The following SLC26A2 variants were observed in gnomAD, a reference collection of about 807,000 sequenced individuals.
The protein encoded by SLC26A2 is sulfate transporter.
Under a neutral mutation model 41.1 loss-of-function variants are expected in SLC26A2, and 36 were observed. That is an observed-to-expected ratio of 0.88 (90% confidence interval 0.67 to 1.16). The LOEUF is 1.16. Ranked by LOEUF, SLC26A2 falls within the 50% of genes most tolerant of loss-of-function variation. SLC26A2 has a pLI of 0.00. For synonymous variants in SLC26A2, 291 were observed against 311.6 expected (o/e 0.93, Z 0.70); for missense variants, 796 against 869.6 (o/e 0.92, Z 1.07).
At chr5:149,965,238 T>G (rs1459724992) in intron 1 of SLC26A2, among the ~76,000 whole-genome samples, 1 of 152,162 alleles carries the variant, frequency 6.6e-6, no homozygotes, top group African/African-American at 2.4e-5. Context: ...ATCCCAGCAC[T>G]TTGGGAGGCC....
At chr5:149,966,813 A>G (rs1754812966) in intron 1 of SLC26A2, among the ~76,000 whole-genome samples, 1 of 152,192 alleles carries the variant, frequency 6.6e-6, no homozygotes, top group Non-Finnish European at 1.5e-5. Flanking sequence ...TGAAGCTGTC[A>G]TATTTTAAAA....
At chr5:149,967,460 G>A (rs1046874594) in intron 1 of SLC26A2, among the ~76,000 whole-genome samples, 1 of 152,076 alleles carries the variant, frequency 6.6e-6, no homozygotes, top group African/African-American at 2.4e-5. Context: ...CTATAAATTA[G>A]TATAAACTTT....
chr5:149,964,239 C>G (rs1241583382), intron 1 of SLC26A2, among the ~76,000 whole-genome samples: 1 of 152,176 alleles, frequency 6.6e-6, no homozygotes, highest in African/African-American at 2.4e-5. Flanking sequence ...TGCCTATAAT[C>G]CCAGCAATTT....
rs755552032 is a variant in SLC26A2, at chr5:149,981,591, A to C, written c.1998A>C (p.Thr666=). Residue 666 remains threonine, a synonymous_variant, in exon 3 of 3, where the codon ACA becomes ACC. Coordinates refer to ENST00000286298, the MANE Select transcript of SLC26A2 (RefSeq NM_000112.4). ...IQFLDTAGIH[T]LKEVRRDYEA... is the part of the protein sequence containing the mutation. ...TTTTAGATACAGCAGGGATCCACACACTGAAAGAAGTTCGCAGAGATTATG... is the reference window on the plus strand; with the variant it reads ...TTTTAGATACAGCAGGGATCCACACCCTGAAAGAAGTTCGCAGAGATTATG... 1 of 1,613,994 alleles carries C rather than the reference A, an allele frequency of 6.2e-7. No homozygotes were observed. Among genetic ancestry groups the C allele is most frequent in the Non-Finnish European group, 8.5e-7 (1 of 1,180,000 alleles).
chr5:149,971,882 A>C (rs918970327), intron 1 of SLC26A2, among the ~76,000 whole-genome samples: 3 of 152,198 alleles, frequency 2.0e-5, no homozygotes, highest in African/African-American at 7.2e-5. Flanking sequence ...GGGCCTATGC[A>C]TTGCCTGCAG....
rs914877154 is a variant in SLC26A2, at chr5:149,984,960, A to C, written c.*3147A>C. ...AGTGCACAGGTAGACTAAGGAAAAC[A>C]TTATAGAGGAGTGAAGAGAACAGAC... is the stretch of plus-strand genomic sequence containing the variant. On this transcript the variant is annotated 3_prime_UTR_variant, in exon 3 of 3. Transcript: ENST00000286298. 2.0e-5 allele frequency: 3 copies of C among 152,232 alleles called. No individual in the cohort carries two copies. Among genetic ancestry groups the C allele is most frequent in the Admixed American group, 2.0e-4 (3 of 15,286 alleles). 9.4% of individuals were successfully genotyped at this position (152,232 alleles called of 1,614,324 possible).
Position 149,980,442 on chromosome 5 carries a change from G to A in SLC26A2, c.849G>A (p.Val283=), listed in dbSNP as rs1186786612. 13 of 1,614,016 alleles carry A rather than the reference G, an allele frequency of 8.1e-6. No homozygotes were observed. The highest frequency in any genetic ancestry group is 1.1e-5 in the Non-Finnish European group (13 of 1,180,006). Residue 283 remains valine (V), a synonymous_variant, in exon 3 of 3, where the codon GTG becomes GTA. Coordinates refer to ENST00000286298, the MANE Select transcript of SLC26A2 (RefSeq NM_000112.4). ...LGLNLPRTNG[V]GSLITTWIHV... ...TCAACCTTCCTCGGACTAATGGTGT[G>A]GGCTCACTCATCACTACCTGGATAC...
At chr5:149,971,668 G>C (rs1226258877) in intron 1 of SLC26A2, among the ~76,000 whole-genome samples, 1 of 152,156 alleles carries the variant, frequency 6.6e-6, no homozygotes, top group African/African-American at 2.4e-5. Context: ...CCAAAGTGCC[G>C]GGATTACAGG....
At position 149,977,851 on chromosome 5, in the gene SLC26A2, A is replaced by T. The variant is rs766241120; in HGVS notation, c.199A>T (p.Lys67Ter). The T allele has an allele frequency of 6.2e-7, 1 of 1,613,688 alleles. No homozygotes were observed. The highest frequency in any genetic ancestry group is 2.2e-5 in the East Asian group (1 of 44,886). Reference protein sequence around the residue: ...ERQEKSDTNFKEFVIKKLQKN... With the variant: ...ERQEKSDTNF ...TCAAGAGAAATCAGATACAAACTTC[A>T]AGGAGTTTGTTATTAAAAAGCTGCA... is the stretch of plus-strand genomic sequence containing the variant. Residue 67 changes from lysine (K) to a stop codon, truncating the protein, a stop_gained, in exon 2 of 3, where the codon AAG becomes TAG. Coordinates refer to ENST00000286298, the MANE Select transcript of SLC26A2 (RefSeq NM_000112.4). LOFTEE classifies it high-confidence loss of function.
Position 149,981,703 on chromosome 5 carries a change from G to A in SLC26A2, c.2110G>A (p.Glu704Lys). Residue 704 changes from glutamate (E) to lysine (K), a missense_variant, in exon 3 of 3, where the codon GAA (glutamate) becomes AAA (lysine). Transcript: ENST00000286298. ...LTNGEYCKKE[E>K]ENLLFYSVYE... ...CAACGGAGAATATTGCAAAAAGGAA[G>A]AAGAAAACCTTCTCTTCTATAGTGT... The A allele has an allele frequency of 6.2e-7, 1 of 1,611,380 alleles. No homozygotes were observed. The highest frequency in any genetic ancestry group is 8.5e-7 in the Non-Finnish European group (1 of 1,179,164).
chr5:149,962,588 C>T (rs547138609), intron 1 of SLC26A2, among the ~76,000 whole-genome samples: 12 of 152,320 alleles, frequency 7.9e-5, no homozygotes, highest in Middle Eastern at 6.8e-3. Context: ...ATCCTCCTGC[C>T]TTGGCCTTCC....
At chr5:149,967,731 C>T (rs980101033) in intron 1 of SLC26A2, among the ~76,000 whole-genome samples, 1 of 150,684 alleles carries the variant, frequency 6.6e-6, no homozygotes, top group African/African-American at 2.4e-5. Context: ...ATGTATATGC[C>T]TATTCTCTCT....
rs529451945 is a variant in SLC26A2 at position 149,960,967 on chromosome 5, C to G, written c.-38C>G. The G allele has an allele frequency of 3.3e-5, 5 of 152,956 alleles. No individual in the cohort carries two copies. The East Asian group carries it at 9.6e-4, about 29-fold the overall frequency. The allele number at this position is 152,956 out of a possible 1,614,324, so 9.5% of individuals were successfully genotyped here. A position where few individuals can be genotyped will look rare whatever the true frequency, so the allele number is the denominator to read the frequency against. ...GCGGCGCCTGGTTGCCTGCAGCGGC[C>G]CGGACCCGAGAGGTGAGAAGAGGGA... On this transcript the variant is annotated 5_prime_UTR_variant, in exon 1 of 3. Transcript: ENST00000286298.
chr5:149,980,862 T>C lies in SLC26A2; in HGVS notation c.1269T>C (p.Phe423=). Residue 423 remains phenylalanine (F), a synonymous_variant, in exon 3 of 3, where the codon TTT becomes TTC. Coordinates refer to ENST00000286298, the MANE Select transcript of SLC26A2 (RefSeq NM_000112.4). ...KANQEMYAIG[F]CNIIPSFFHC... ...ACCAGGAAATGTATGCCATTGGCTT[T>C]TGTAATATCATCCCTTCCTTCTTCC... The C allele has an allele frequency of 3.1e-6, 5 of 1,614,116 alleles. No individual in the cohort carries two copies. Among genetic ancestry groups the C allele is most frequent in the Non-Finnish European group, 4.2e-6 (5 of 1,179,980 alleles).
intron 1 of SLC26A2, 52 bp from the exon 2 acceptor site, chr5:149,977,576 T>G: frequency 1.1e-6 from 1 of 928,564 alleles, no homozygotes; most frequent in East Asian, 2.5e-5. Context: ...TTAGTATATG[T>G]GAGCACTGAG....
chr5:149,979,840 G>A (rs1398728344), intron 2 of SLC26A2, among the ~76,000 whole-genome samples: 1 of 152,226 alleles, frequency 6.6e-6, no homozygotes, highest in Admixed American at 6.5e-5. Context: ...CTGAGAAGCC[G>A]TAAGACTTCA....
Position 149,981,241 on chromosome 5 carries a change from A to G in SLC26A2, c.1648A>G (p.Lys550Glu). 6 of 1,614,150 alleles carry G rather than the reference A, an allele frequency of 3.7e-6. No individual in the cohort carries two copies. Among genetic ancestry groups the G allele is most frequent in the Non-Finnish European group, 5.1e-6 (6 of 1,180,012 alleles). Residue 550 changes from lysine (K) to glutamate (E), a missense_variant, in exon 3 of 3, where the codon AAG (lysine) becomes GAG (glutamate). Transcript: ENST00000286298. ...FCVILRTQKP[K>E]SSLLGLVEES... ...TGTCATCCTCCGCACTCAGAAGCCA[A>G]AGAGTTCACTGCTTGGCTTGGTGGA...
Position 149,978,439 on chromosome 5 carries a change from A to G in SLC26A2, c.699+88A>G, listed in dbSNP as rs528583371. The G allele has an allele frequency of 2.6e-5, 29 of 1,105,556 alleles. No individual in the cohort carries two copies. The Admixed American group carries it at 2.9e-4, about 11-fold the overall frequency. The allele number at this position is 1,105,556 out of a possible 1,614,324, so 68.5% of individuals were successfully genotyped here. ...TCTCTAAGGGATCTGAGGAATCACA[A>G]TAATTAAAGGTATCATTTATTGAGA... is the stretch of plus-strand genomic sequence containing the variant. On this transcript the variant is annotated intron_variant, in intron 2 of 2. Coordinates refer to ENST00000286298, the MANE Select transcript of SLC26A2 (RefSeq NM_000112.4).
At chr5:149,962,398 G>T (rs1754727796) in intron 1 of SLC26A2, 1 of 151,932 alleles carries the variant, frequency 6.6e-6, no homozygotes, top group Non-Finnish European at 1.5e-5. Flanking sequence ...GAGTGCAGGG[G>T]CGCGATCTAG....
Sources: gnomAD v4.1 joint callset for allele counts (sites outside exome capture counted in the v4.1 genomes callset) on GRCh38, gnomAD v4.1.1 for gene constraint, MANE v1.5 for transcripts, NCBI Gene and HGNC (gene_info 2026-07-23, HGNC 2026-07-21) for gene names.